The following RIN2 variants were observed in gnomAD, a reference collection of about 807,000 sequenced individuals.
RIN2 encodes the protein RAB5 interacting protein 2.
RIN2 carries 36 observed loss-of-function variants against 78.0 expected under a neutral mutation model. The observed-to-expected ratio is 0.46, with a 90% CI of 0.35 to 0.61. The LOEUF is 0.61. RIN2 is among the 20% of genes least tolerant of loss of function. The pLI is 0.00. For synonymous variants in RIN2, 466 were observed against 466.8 expected (o/e 1.00, Z 0.02); for missense variants, 1,087 against 1,159.7 (o/e 0.94, Z 0.91).
chr20:19,813,125 C>A (rs74807831), intron 2 of RIN2, among the ~76,000 whole-genome samples: 2,994 of 152,284 alleles, frequency 0.02, 93 homozygotes, highest in African/African-American at 0.066. Context: ...AGTGGCCTCT[C>A]GGACAGTCAG....
chr20:19,943,954 G>A (rs1404482330), intron 4 of RIN2, among the ~76,000 whole-genome samples: 1 of 95,252 alleles, frequency 1.0e-5, no homozygotes, highest in African/African-American at 3.9e-5. Flanking sequence ...ACAGAGACAT[G>A]TTTAATTCCA....
intron 2 of RIN2, among the ~76,000 whole-genome samples, chr20:19,821,970 A>G (rs947829746): frequency 1.1e-4 from 16 of 152,200 alleles, no homozygotes; most frequent in Non-Finnish European, 4.4e-5. Context: ...AGTTTTACCC[A>G]TCTTCAGTGC....
At chr20:19,921,892 G>A (rs1423600433) in intron 3 of RIN2, among the ~76,000 whole-genome samples, 1 of 151,826 alleles carries the variant, frequency 6.6e-6, no homozygotes, top group Non-Finnish European at 1.5e-5. Flanking sequence ...TTGTGACAGG[G>A]TCTCTCTCTG....
chr20:19,970,224 C>T (rs1447429287), intron 7 of RIN2, among the ~76,000 whole-genome samples: 2 of 152,246 alleles, frequency 1.3e-5, no homozygotes, highest in Non-Finnish European at 2.9e-5. Flanking sequence ...CCCTCCCAGA[C>T]CTCTGGAATC....
intron 2 of RIN2, among the ~76,000 whole-genome samples, chr20:19,819,639 C>T (rs937811037): frequency 6.6e-6 from 1 of 152,152 alleles, no homozygotes; most frequent in African/African-American, 2.4e-5. Flanking sequence ...AAGTTCATGC[C>T]ATCTTCCCAC....
chr20:19,776,341 G>A (rs2034308672), intron 1 of RIN2, among the ~76,000 whole-genome samples: 1 of 152,148 alleles, frequency 6.6e-6, no homozygotes, highest in South Asian at 2.1e-4. Context: ...TTGCTACCTG[G>A]AGGCTTTATT....
intron 7 of RIN2, among the ~76,000 whole-genome samples, chr20:19,968,060 T>C (rs1476152927): frequency 6.6e-6 from 1 of 152,152 alleles, no homozygotes; most frequent in African/African-American, 2.4e-5. Flanking sequence ...GCTGAGACCT[T>C]AGGGTCCAAC....
In RIN2 at chr20:19,975,756, C is replaced by T. The variant is rs769691164; in HGVS notation, c.1731C>T (p.Pro577=). 6.2e-7 allele frequency: 1 copy of T among 1,612,094 alleles called. No individual in the cohort carries two copies. Among genetic ancestry groups the T allele is most frequent in the Non-Finnish European group, 8.5e-7 (1 of 1,179,210 alleles). Residue 577 remains proline, a synonymous_variant, in exon 9 of 13, where the codon CCC becomes CCT. Transcript: ENST00000255006. The surrounding 1 kb of genome is among the most constrained non-coding windows in gnomAD (Gnocchi z 4.9). ...CTCAGAGCTCGGAGCTGGACCCCCC[C>T]ATCGAGTCGCTGATCCCTGAAGACC... ...YLSQSSELDP[P]IESLIPEDQI...
At chr20:19,992,879 C>T (rs1324119006) in intron 11 of RIN2, among the ~76,000 whole-genome samples, 6 of 151,950 alleles carry the variant, frequency 3.9e-5, no homozygotes, top group South Asian at 2.1e-4. Context: ...TTTAAAATTT[C>T]GTTTTCAAGG....
intron 2 of RIN2, among the ~76,000 whole-genome samples, chr20:19,857,679 A>G (rs985415855): frequency 1.3e-5 from 2 of 152,132 alleles, no homozygotes; most frequent in Admixed American, 6.5e-5. Flanking sequence ...GAGTGTCTCA[A>G]TGTGGCTTTA....
chr20:19,974,856 G>A lies in RIN2; in HGVS notation c.831G>A (p.Leu277=). ...TGTGCTTTATTAATCCCCTTTTCTT[G>A]AAAGTGCACAGCCAGGACCTCAGTG... ...GALCFINPLF[L]KVHSQDLSGG... is the part of the protein sequence containing the mutation. The change falls in exon 9 of 13, where the codon TTG becomes TTA. Residue 277 remains leucine (L), a synonymous_variant. Coordinates refer to ENST00000255006, the MANE Select transcript of RIN2 (RefSeq NM_018993.4). The A allele has an allele frequency of 6.2e-7, 1 of 1,613,982 alleles. No individual in the cohort carries two copies.
intron 2 of RIN2, among the ~76,000 whole-genome samples, chr20:19,810,855 G>A (rs1160474214): frequency 6.1e-5 from 9 of 146,596 alleles, no homozygotes; most frequent in Admixed American, 1.3e-4. Flanking sequence ...CACCATGCCC[G>A]GCTAAATTTT....
chr20:19,968,301 TAAAC>T (rs1178388287), intron 7 of RIN2, among the ~76,000 whole-genome samples: 1 of 152,230 alleles, frequency 6.6e-6, no homozygotes, highest in African/African-American at 2.4e-5. Flanking sequence ...AGAGCAAAGT[TAAAC>T]AAAATAAATC....
chr20:19,867,219 T>A (rs2037538113), intron 2 of RIN2, among the ~76,000 whole-genome samples: 1 of 152,086 alleles, frequency 6.6e-6, no homozygotes, highest in Non-Finnish European at 1.5e-5. Flanking sequence ...ACACACACAC[T>A]TTTTTCTAAA....
At chr20:19,939,883 C>G (rs1420102710) in intron 4 of RIN2, among the ~76,000 whole-genome samples, 2 of 150,604 alleles carry the variant, frequency 1.3e-5, no homozygotes, top group Admixed American at 6.6e-5. Flanking sequence ...CAGACTTCCA[C>G]TCTATCGCCT....
intron 9 of RIN2, among the ~76,000 whole-genome samples, chr20:19,979,431 A>G (rs2042377830): frequency 6.6e-6 from 1 of 152,182 alleles, no homozygotes; most frequent in African/African-American, 2.4e-5. Context: ...CTTAAAGTCA[A>G]TTTCCACATA....
At chr20:19,854,875 T>C (rs2037114637) in intron 2 of RIN2, among the ~76,000 whole-genome samples, 1 of 152,186 alleles carries the variant, frequency 6.6e-6, no homozygotes, top group Non-Finnish European at 1.5e-5. Context: ...CCTTTATTTC[T>C]TTCTCCTGCC....
At chr20:19,924,131 TAC>T in intron 3 of RIN2, among the ~76,000 whole-genome samples, 1 of 92,672 alleles carries the variant, frequency 1.1e-5, no homozygotes, top group African/African-American at 4.2e-5. Context: ...CACCTTTTCA[TAC>T]CCCCACCTTC....
At chr20:19,787,358 G>A (rs6046320) in intron 1 of RIN2, among the ~76,000 whole-genome samples, 8 of 150,504 alleles carry the variant, frequency 5.3e-5, no homozygotes, top group African/African-American at 2.0e-4. Flanking sequence ...AGGAGGCAGA[G>A]GTTGCAGTGA....
Sources: allele counts gnomAD v4.1 joint callset (sites outside exome capture counted in the v4.1 genomes callset), GRCh38; gene constraint gnomAD v4.1.1; non-coding constraint Gnocchi (gnomAD v3.1); transcripts MANE v1.5; gene names NCBI Gene and HGNC (gene_info 2026-07-23, HGNC 2026-07-21).